The following ENPP3 variants were observed in gnomAD, a reference collection of about 807,000 sequenced individuals.
The protein encoded by ENPP3 is ectonucleotide pyrophosphatase/phosphodiesterase 3, also known as ectonucleotide pyrophosphatase/phosphodiesterase family member 3.
A neutral mutation model predicts 117.8 loss-of-function variants in ENPP3; 104 were observed. The observed-to-expected ratio is 0.88, with a 90% CI of 0.75 to 1.04. The LOEUF is 1.04. ENPP3 is among the 50% of genes least tolerant of loss of function. The pLI is 0.00. For missense variants in ENPP3, 1,026 were observed against 1,051.9 expected (o/e 0.98, Z 0.34); for synonymous variants, 380 against 349.9 (o/e 1.09, Z -0.96).
chr6:131,726,843 G>T lies in ENPP3; in HGVS notation c.1953+643G>T, dbSNP rs558310903. On this transcript the variant is annotated intron_variant, in intron 20 of 24. Coordinates refer to ENST00000357639, the MANE Select transcript of ENPP3 (RefSeq NM_005021.5). ...AGGACAGTCAACTACCCTTCAGGAA[G>T]AAAACAGTAGATCCCTACCTCACAC... 9.8e-5 allele frequency among the ~76,000 whole-genome samples: 15 copies of T among 152,296 alleles called. No homozygotes were observed. In the South Asian group the frequency reaches 2.5e-3, roughly 25 times the overall value.
chr6:131,690,487 T>C (rs1278338321), intron 14 of ENPP3, among the ~76,000 whole-genome samples: 1 of 152,210 alleles, frequency 6.6e-6, no homozygotes, highest in East Asian at 1.9e-4. Context: ...GTATGTAGTT[T>C]TTAGACATAG....
chr6:131,686,156 G>T (rs1018720435), intron 14 of ENPP3, among the ~76,000 whole-genome samples: 1 of 152,254 alleles, frequency 6.6e-6, no homozygotes, highest in Non-Finnish European at 1.5e-5. Flanking sequence ...ATATTGAAAG[G>T]GCTGATGTCC....
intron 21 of ENPP3, among the ~76,000 whole-genome samples, chr6:131,736,397 G>A (rs1185600598): frequency 2.0e-5 from 3 of 152,230 alleles, no homozygotes; most frequent in East Asian, 3.8e-4. Flanking sequence ...GAAGAGCAAA[G>A]AGATATCTTA....
Position 131,723,823 on chromosome 6 carries a change from TCTCTCA to T in ENPP3, c.1747-215_1747-210del, listed in dbSNP as rs1444850561. Among the ~76,000 whole-genome samples, 2 of 143,078 alleles carry T rather than the reference TCTCTCA, an allele frequency of 1.4e-5. 1 individual carries two copies. The highest frequency in any genetic ancestry group is 5.9e-5 in the African/African-American group (2 of 34,012). 93.9% of individuals were successfully genotyped at this position (143,078 alleles called of 152,430 possible). ...CAAATTCTCTCTCTCTCTCTCTCTCTCTCTCACACACACACACACACACACACACAC... is the reference window on the plus strand; with the variant it reads ...CAAATTCTCTCTCTCTCTCTCTCTCTCACACACACACACACACACACACAC... On this transcript the variant is annotated intron_variant, in intron 18 of 24. Coordinates refer to ENST00000357639, the MANE Select transcript of ENPP3 (RefSeq NM_005021.5).
At chr6:131,674,455 G>T in intron 8 of ENPP3, 174 bp downstream of exon 8, 2 of 654,958 alleles carry the variant, frequency 3.1e-6, no homozygotes, top group Admixed American at 2.3e-5. Context: ...AACATTTATG[G>T]TTGTTAACTC....
chr6:131,657,495 T>A (rs1057280321), intron 5 of ENPP3, among the ~76,000 whole-genome samples: 12 of 152,226 alleles, frequency 7.9e-5, no homozygotes, highest in African/African-American at 2.4e-4. Flanking sequence ...GACAGTAGAA[T>A]AAGTTCTGGT....
At chr6:131,744,166 G>C (rs568671222) in intron 24 of ENPP3, among the ~76,000 whole-genome samples, 1 of 152,190 alleles carries the variant, frequency 6.6e-6, no homozygotes, top group Non-Finnish European at 1.5e-5. Context: ...CTTGGTGTAA[G>C]GAATTAGATC....
chr6:131,701,463 A>T (rs1779529046), intron 15 of ENPP3: 2 of 690,054 alleles, frequency 2.9e-6, no homozygotes, highest in Middle Eastern at 2.5e-4. Context: ...TTAAAAACAG[A>T]TTCATTTTAA....
At chr6:131,657,102 C>A (rs933351459) in intron 5 of ENPP3, among the ~76,000 whole-genome samples, 3 of 152,046 alleles carry the variant, frequency 2.0e-5, no homozygotes, top group Admixed American at 6.6e-5. Flanking sequence ...TTGCAGTAGG[C>A]CACTTTAATT....
chr6:131,654,698 C>G (rs1357430537), intron 5 of ENPP3, among the ~76,000 whole-genome samples: 2 of 151,874 alleles, frequency 1.3e-5, no homozygotes, highest in Non-Finnish European at 2.9e-5. Context: ...CCATCTTGGC[C>G]TCCCAAAGTG....
intron 2 of ENPP3, among the ~76,000 whole-genome samples, chr6:131,649,305 C>T (rs78749139): frequency 0.012 from 1,774 of 152,258 alleles, 36 homozygotes; most frequent in African/African-American, 0.041. Flanking sequence ...CTTCCTGTTA[C>T]CAAAGGTTGG....
intron 1 of ENPP3, among the ~76,000 whole-genome samples, chr6:131,639,802 A>G (rs114804731): frequency 0.014 from 2,129 of 152,228 alleles, 45 homozygotes; most frequent in African/African-American, 0.045. Context: ...GGAATTACAT[A>G]TTTATAGTAA....
In ENPP3 at chr6:131,671,280, G is replaced by A. The variant is rs1350584305; in HGVS notation, c.595G>A (p.Ala199Thr). 3 of 1,604,770 alleles carry A rather than the reference G, an allele frequency of 1.9e-6. No individual in the cohort carries two copies. Among genetic ancestry groups the A allele is most frequent in the African/African-American group, 1.3e-5 (1 of 74,752 alleles). Reference protein sequence around the residue: ...TCGIHSKYMRAMYPTKTFPNH... With the variant: ...TCGIHSKYMRTMYPTKTFPNH... Reference sequence around the variant, plus strand: ...TGGAATTCATTCAAAATACATGAGAGCTATGTATCCTACCAAAACCTTCCC... The same window carrying A: ...TGGAATTCATTCAAAATACATGAGAACTATGTATCCTACCAAAACCTTCCC... Residue 199 changes from alanine (A) to threonine (T), a missense_variant, in exon 7 of 25, where the codon GCT becomes ACT. Physicochemically the swap from Ala to Thr is moderately conservative, Grantham distance 58 (BLOSUM62 0). Coordinates refer to ENST00000357639, the MANE Select transcript of ENPP3 (RefSeq NM_005021.5).
chr6:131,719,490 G>C (rs1424597467), intron 16 of ENPP3, among the ~76,000 whole-genome samples: 4 of 150,772 alleles, frequency 2.7e-5, no homozygotes, highest in Non-Finnish European at 5.9e-5. Context: ...TTATAACATT[G>C]TCATGGTGAG....
intron 11 of ENPP3, among the ~76,000 whole-genome samples, chr6:131,679,921 C>T (rs1778986729): frequency 6.6e-6 from 1 of 152,168 alleles, no homozygotes; most frequent in African/African-American, 2.4e-5. Context: ...ATGTCTGCAG[C>T]ATTGTGTAAC....
chr6:131,688,037 C>T (rs1487110981), intron 14 of ENPP3, among the ~76,000 whole-genome samples: 1 of 152,174 alleles, frequency 6.6e-6, no homozygotes, highest in African/African-American at 2.4e-5. Context: ...TTTTCAACAG[C>T]ATGTGCCCGC....
chr6:131,671,257 G>T lies in ENPP3; in HGVS notation c.572G>T (p.Gly191Val). ...CCATATTCTGTTGCAGAAACATGTG[G>T]AATTCATTCAAAATACATGAGAGCT... ...MPNINKLKTC[G>V]IHSKYMRAMY... Residue 191 changes from glycine (G) to valine (V), a missense_variant, in exon 7 of 25, where the codon GGA (glycine) becomes GTA (valine). Coordinates refer to ENST00000357639, the MANE Select transcript of ENPP3 (RefSeq NM_005021.5). 1.3e-6 allele frequency: 2 copies of T among 1,586,796 alleles called. No homozygotes were observed. The highest frequency in any genetic ancestry group is 2.2e-5 in the South Asian group (2 of 89,978).
At chr6:131,667,809 T>C (rs1778649503) in intron 6 of ENPP3, among the ~76,000 whole-genome samples, 1 of 152,230 alleles carries the variant, frequency 6.6e-6, no homozygotes, top group Non-Finnish European at 1.5e-5. Context: ...TGATTGTGTC[T>C]GCTGTGGGAA....
Position 131,637,305 on chromosome 6 carries a change from C to G in ENPP3, c.-80C>G. ...GTCAGGCACAGCTATGTAACTCATA[C>G]AGTTTCTCTTTGCCAGACTAGACTA... is the stretch of plus-strand genomic sequence containing the variant. On this transcript the variant is annotated 5_prime_UTR_variant, in exon 1 of 25. Transcript: ENST00000357639. 2 of 822,352 alleles carry G rather than the reference C, an allele frequency of 2.4e-6. No individual in the cohort carries two copies. Among genetic ancestry groups the G allele is most frequent in the South Asian group, 4.5e-5 (2 of 44,116 alleles). 50.9% of individuals were successfully genotyped at this position (822,352 alleles called of 1,614,324 possible). A position where few individuals can be genotyped will look rare whatever the true frequency, so the allele number is the denominator to read the frequency against.
Sources: allele counts gnomAD v4.1 joint callset (sites outside exome capture counted in the v4.1 genomes callset), GRCh38; gene constraint gnomAD v4.1.1; transcripts MANE v1.5; gene names NCBI Gene and HGNC (gene_info 2026-07-23, HGNC 2026-07-21).